Variants in SAMD5 observed in about 807,000 individuals in gnomAD.
The protein encoded by SAMD5 is sterile alpha motif domain containing 5.
Under a neutral mutation model 11.3 loss-of-function variants are expected in SAMD5, and 13 were observed. The ratio of observed to expected loss-of-function variants is 1.15; its 90% CI spans 0.75 to 1.83. The LOEUF is 1.83. SAMD5 is among the 40% of genes most tolerant of loss of function. The probability of loss-of-function intolerance (pLI) is 0.00; values close to 1 mark genes in which losing one functional copy is unlikely to be tolerated. For missense variants in SAMD5, 255 were observed against 239.1 expected (o/e 1.07, Z -0.44); for synonymous variants, 129 against 111.3 (o/e 1.16, Z -1.00).
the SAMD5 span, among the ~76,000 whole-genome samples, chr6:147,775,489 C>G: frequency 6.6e-6 from 1 of 152,164 alleles, no homozygotes; most frequent in Admixed American, 6.5e-5. Flanking sequence ...CTATTCTTTT[C>G]TCTGATCACT....
At chr6:147,785,707 G>T in the SAMD5 span, among the ~76,000 whole-genome samples, 3 of 152,184 alleles carry the variant, frequency 2.0e-5, no homozygotes, top group East Asian at 5.8e-4. Flanking sequence ...AATGCTTAAT[G>T]AGTACAAGGG....
intron 1 of SAMD5, among the ~76,000 whole-genome samples, chr6:147,551,484 T>C (rs1788770766): frequency 6.6e-6 from 1 of 151,900 alleles, no homozygotes; most frequent in Admixed American, 6.6e-5. Flanking sequence ...TCTAAGCACT[T>C]ACCATGCGAG....
chr6:147,727,106 C>T (rs1448303154), intron 1 of SAMD5, among the ~76,000 whole-genome samples: 1 of 152,216 alleles, frequency 6.6e-6, no homozygotes, highest in Non-Finnish European at 1.5e-5. Context: ...CTGTGTCCCC[C>T]ATAACCTGTC....
At chr6:147,849,666 T>C in the SAMD5 span, among the ~76,000 whole-genome samples, 1 of 152,162 alleles carries the variant, frequency 6.6e-6, no homozygotes, top group Non-Finnish European at 1.5e-5. Flanking sequence ...GGCAAGCCTG[T>C]GTGTGAAAAA....
chr6:147,582,323 G>A (rs962683317), intron 1 of SAMD5, among the ~76,000 whole-genome samples: 1 of 113,092 alleles, frequency 8.8e-6, no homozygotes, highest in Admixed American at 1.0e-4. Flanking sequence ...GCTGAGATCC[G>A]CACCCCCCCA....
the SAMD5 span, among the ~76,000 whole-genome samples, chr6:147,916,503 GTGA>G: frequency 6.6e-6 from 1 of 152,140 alleles, no homozygotes; most frequent in South Asian, 2.1e-4. Context: ...CTGGTGGCCA[GTGA>G]TGATGAGTAT....
intron 1 of SAMD5, among the ~76,000 whole-genome samples, chr6:147,731,432 A>T (rs1211865872): frequency 1.3e-5 from 2 of 152,156 alleles, no homozygotes; most frequent in South Asian, 4.1e-4. Context: ...AGGAATGCTC[A>T]TGGGCTGCTG....
At position 147,711,549 on chromosome 6, in the gene SAMD5, G is replaced by A. The variant is rs995157452; in HGVS notation, c.163-25768G>A. On this transcript the variant is annotated intron_variant, in intron 1 of 1. Transcript: ENST00000566741. The surrounding 1 kb of genome is among the most constrained non-coding windows in gnomAD (Gnocchi z 4.1). ...CTATTTTTGTTAATCACTATAAACG[G>A]TGGCTGTAGCAGAGCTGATTCATTT... 2.0e-5 allele frequency among the ~76,000 whole-genome samples: 3 copies of A among 152,186 alleles called. No homozygotes were observed. The highest frequency in any genetic ancestry group is 7.2e-5 in the African/African-American group (3 of 41,432).
At chr6:147,670,208 G>T (rs1222603540) in intron 1 of SAMD5, among the ~76,000 whole-genome samples, 2 of 152,142 alleles carry the variant, frequency 1.3e-5, no homozygotes, top group Non-Finnish European at 2.9e-5. Context: ...TCAACAATGG[G>T]CTTAAAATAT....
In SAMD5 at chr6:147,569,563, A is replaced by G. The variant is rs1789103810; in HGVS notation, c.*5107A>G. The G allele has an allele frequency of 2.1e-6, 2 of 954,152 alleles. No individual in the cohort carries two copies. The highest frequency in any genetic ancestry group is 4.8e-5 in the South Asian group (1 of 20,654). 59.1% of individuals were successfully genotyped at this position (954,152 alleles called of 1,614,324 possible). A position where few individuals can be genotyped will look rare whatever the true frequency, so the allele number is the denominator to read the frequency against. On this transcript the variant is annotated 3_prime_UTR_variant, in exon 2 of 2. Transcript: ENST00000367474. Reference sequence around the variant, plus strand: ...TTAATTAGATGAATTATCCCTTATCATTCCAAAAATGAAATGCTGTGTTAA... The same window carrying G: ...TTAATTAGATGAATTATCCCTTATCGTTCCAAAAATGAAATGCTGTGTTAA...
intron 1 of SAMD5, among the ~76,000 whole-genome samples, chr6:147,602,632 T>C (rs1338101168): frequency 1.3e-5 from 2 of 152,136 alleles, no homozygotes; most frequent in Non-Finnish European, 2.9e-5. Context: ...TAATCCCAGC[T>C]ACTCAGGAGG....
At chr6:147,657,144 A>G (rs1790582851) in intron 1 of SAMD5, among the ~76,000 whole-genome samples, 1 of 152,184 alleles carries the variant, frequency 6.6e-6, no homozygotes, top group African/African-American at 2.4e-5. Context: ...GCTATGTGCA[A>G]GAGAGTATAA....
chr6:147,596,147 GT>G (rs1388270638), intron 1 of SAMD5, among the ~76,000 whole-genome samples: 1 of 152,146 alleles, frequency 6.6e-6, no homozygotes, highest in Non-Finnish European at 1.5e-5. Context: ...TGGAAAACCA[GT>G]TTATTTAACG....
At chr6:147,936,250 G>C in the SAMD5 span, among the ~76,000 whole-genome samples, 1 of 152,102 alleles carries the variant, frequency 6.6e-6, no homozygotes, top group Admixed American at 6.5e-5. Flanking sequence ...TTCTTGCATT[G>C]CCATAAATAA....
chr6:147,512,776 G>A (rs142910702), intron 1 of SAMD5, among the ~76,000 whole-genome samples: 113 of 152,162 alleles, frequency 7.4e-4, no homozygotes, highest in African/African-American at 2.6e-3. Context: ...GGTTACTGTG[G>A]TTGGCAGGAT....
At position 147,569,541 on chromosome 6, in the gene SAMD5, AT is replaced by A. The variant is rs1369912970; in HGVS notation, c.*5087del. ...AGGTATATTCTGTATAATACCCTTA[AT>A]TAGATGAATTATCCCTTATCATTCC... On this transcript the variant is annotated 3_prime_UTR_variant, in exon 2 of 2. Coordinates refer to ENST00000367474, the MANE Select transcript of SAMD5 (RefSeq NM_001030060.3). 16 of 895,678 alleles carry A rather than the reference AT, an allele frequency of 1.8e-5. No individual in the cohort carries two copies. In the African/African-American group the frequency reaches 2.9e-4, roughly 16 times the overall value. 55.5% of individuals were successfully genotyped at this position (895,678 alleles called of 1,614,324 possible). A position where few individuals can be genotyped will look rare whatever the true frequency, so the allele number is the denominator to read the frequency against.
rs115868480 is a variant in SAMD5 at position 147,658,421 on chromosome 6, A to T, written c.163-78896A>T. Among the ~76,000 whole-genome samples the T allele has an allele frequency of 1.5e-3, 219 of 150,136 alleles. 1 individual carries two copies. The highest frequency in any genetic ancestry group is 5.1e-3 in the African/African-American group (212 of 41,468). ...CCACAAGATGATGGTTTATTTATTTATTTATTCATATATATATTTTAATTT... is the reference window on the plus strand; with the variant it reads ...CCACAAGATGATGGTTTATTTATTTTTTTATTCATATATATATTTTAATTT... On this transcript the variant is annotated intron_variant, in intron 1 of 1. Transcript: ENST00000566741.
intron 1 of SAMD5, among the ~76,000 whole-genome samples, chr6:147,611,007 C>A (rs844600): frequency 0.2 from 29,774 of 151,484 alleles, 3,257 homozygotes; most frequent in African/African-American, 0.29. Flanking sequence ...GTAGCTGGGA[C>A]TACAGGTATA....
At chr6:147,659,665 T>G (rs924900890) in intron 1 of SAMD5, among the ~76,000 whole-genome samples, 5 of 152,230 alleles carry the variant, frequency 3.3e-5, no homozygotes, top group Non-Finnish European at 7.3e-5. Context: ...TTAAATTGCT[T>G]TCATTAAACA....
Sources: allele counts gnomAD v4.1 joint callset (sites outside exome capture counted in the v4.1 genomes callset), GRCh38; gene constraint gnomAD v4.1.1; non-coding constraint Gnocchi (gnomAD v3.1); transcripts MANE v1.5; gene names NCBI Gene and HGNC (gene_info 2026-07-23, HGNC 2026-07-21).